Variants in ZIC3 observed in about 807,000 individuals in gnomAD.
The protein encoded by ZIC3 is zinc finger protein ZIC 3.
In ZIC3, 6 loss-of-function variants were observed where a neutral mutation model predicts 18.3. That is an observed-to-expected ratio of 0.33 (90% confidence interval 0.18 to 0.65). The LOEUF (loss-of-function observed/expected upper bound fraction) is 0.65. Ranked by LOEUF, ZIC3 falls within the 30% of genes least tolerant of loss-of-function variation. The probability of loss-of-function intolerance (pLI) is 0.75; values close to 1 mark genes in which losing one functional copy is unlikely to be tolerated. For synonymous variants in ZIC3, 175 were observed against 177.0 expected (o/e 0.99, Z 0.09); for missense variants, 260 against 410.0 (o/e 0.63, Z 3.16).
At chrX:137,569,236 G>T (rs1211132506) in intron 2 of ZIC3, among the ~76,000 whole-genome samples, 171 bp downstream of exon 2, 1 of 106,619 alleles carries the variant, frequency 9.4e-6, no homozygotes, top group East Asian at 3.0e-4. Flanking sequence ...TGGGGGTGAG[G>T]GGGTGGGCGG....
chrX:137,568,509 G>C (rs1931389450), intron 1 of ZIC3, among the ~76,000 whole-genome samples: 1 of 112,075 alleles, frequency 8.9e-6, no homozygotes, highest in Admixed American at 9.4e-5. Flanking sequence ...TGTCCTGTCC[G>C]GGGCCCATTG....
In ZIC3 at chrX:137,566,613, C is replaced by A; in HGVS notation, c.-79C>A. On this transcript the variant is annotated 5_prime_UTR_variant, in exon 1 of 3. Coordinates refer to ENST00000287538, the MANE Select transcript of ZIC3 (RefSeq NM_003413.4). ...AACCGCCGCCACCCCTTTCCGACTA[C>A]GGCACTTCGGAGATCTCCTCCTTCG... 1 of 1,161,628 alleles carries A rather than the reference C, an allele frequency of 8.6e-7. No individual in the cohort carries two copies. Among genetic ancestry groups the A allele is most frequent in the Non-Finnish European group, 1.1e-6 (1 of 875,270 alleles).
At position 137,567,462 on chromosome X, in the gene ZIC3, C is replaced by A; in HGVS notation, c.771C>A (p.Asp257Glu). Residue 257 changes from aspartate (D) to glutamate (E), a missense_variant, in exon 1 of 3, where the codon GAC (aspartate) becomes GAA (glutamate). Asp to Glu is a conservative substitution (Grantham distance 45). Coordinates refer to ENST00000287538, the MANE Select transcript of ZIC3 (RefSeq NM_003413.4). Reference protein sequence around the residue: ...IKQELSCKWIDEAQLSRPKKS... With the variant: ...IKQELSCKWIEEAQLSRPKKS... Reference sequence around the variant, plus strand: ...AGGAGCTGTCGTGCAAGTGGATCGACGAGGCTCAGCTGAGCCGGCCCAAGA... The same window carrying A: ...AGGAGCTGTCGTGCAAGTGGATCGAAGAGGCTCAGCTGAGCCGGCCCAAGA... The A allele has an allele frequency of 2.5e-6, 3 of 1,211,763 alleles. No homozygotes were observed. Among genetic ancestry groups the A allele is most frequent in the Non-Finnish European group, 3.3e-6 (3 of 895,589 alleles).
Position 137,570,234 on chromosome X carries a change from T to C in ZIC3, c.*164T>C. ...GAAGGTTTTGGGCAAGATCCAAAAG[T>C]AGCCATGCCCTTTTCTCAGGATAGA... On this transcript the variant is annotated 3_prime_UTR_variant, in exon 3 of 3. Transcript: ENST00000287538. The C allele has an allele frequency of 1.7e-6, 1 of 593,315 alleles. No individual in the cohort carries two copies. Among genetic ancestry groups the C allele is most frequent in the Non-Finnish European group, 2.7e-6 (1 of 368,118 alleles). The allele number at this position is 593,315 out of a possible 1,213,427, so 48.9% of individuals were successfully genotyped here.
In ZIC3 at chrX:137,569,963, A is replaced by G. The variant is rs1371648380; in HGVS notation, c.1297A>G (p.Ile433Val). The G allele has an allele frequency of 8.3e-7, 1 of 1,211,754 alleles. No individual in the cohort carries two copies. Among genetic ancestry groups the G allele is most frequent in the Admixed American group, 2.2e-5 (1 of 46,039 alleles). ...CTATGAATCTTCCACTCCACCCGCT[A>G]TAGCTTCTGCAAACAGTAAAGATAC... Reference protein sequence around the residue: ...SGYESSTPPAIASANSKDTTK... With the variant: ...SGYESSTPPAVASANSKDTTK... Residue 433 changes from isoleucine (I) to valine (V), a missense_variant, in exon 3 of 3, where the codon ATA becomes GTA. Coordinates refer to ENST00000287538, the MANE Select transcript of ZIC3 (RefSeq NM_003413.4).
chrX:137,572,939 T>C (rs771227578), downstream of ZIC3, among the ~76,000 whole-genome samples: 1 of 110,767 alleles, frequency 9.0e-6, no homozygotes, highest in Admixed American at 9.6e-5. Flanking sequence ...TTTGCCCCTG[T>C]ACATGATTAC....
chrX:137,577,264 T>A lies in ZIC3; in HGVS notation c.1367T>A (p.Ile456Asn). 1 of 518,077 alleles carries A rather than the reference T, an allele frequency of 1.9e-6. No individual in the cohort carries two copies. The highest frequency in any genetic ancestry group is 3.5e-6 in the Non-Finnish European group (1 of 283,499). 42.7% of individuals were successfully genotyped at this position (518,077 alleles called of 1,213,427 possible). ...GCCGAACCTACTGTGCAAGAAATGATTTACTGATGAGGTTTCAAAGAAAAC... is the reference window on the plus strand; with the variant it reads ...GCCGAACCTACTGTGCAAGAAATGAATTACTGATGAGGTTTCAAAGAAAAC... Residue 456 changes from isoleucine to asparagine, a missense_variant, in exon 3 of 3, where the codon ATT becomes AAT. Physicochemically the swap from Ile to Asn is moderately radical, Grantham distance 149. Coordinates refer to the ZIC3 transcript ENST00000370606.
At chrX:137,576,352 C>G (rs2124191075), downstream of ZIC3, among the ~76,000 whole-genome samples, 1 of 112,223 alleles carries the variant, frequency 8.9e-6, no homozygotes, top group African/African-American at 3.2e-5. Flanking sequence ...CAGATCGTCT[C>G]TTAAATTGAC....
At chrX:137,568,115 G>T (rs1931378529) in intron 1 of ZIC3, among the ~76,000 whole-genome samples, 1 of 113,165 alleles carries the variant, frequency 8.8e-6, no homozygotes, top group Non-Finnish European at 1.9e-5. Context: ...GCACACATTC[G>T]TGGAAGGCAA....
downstream of ZIC3, among the ~76,000 whole-genome samples, chrX:137,574,931 A>T (rs889578298): frequency 3.6e-4 from 40 of 112,237 alleles, 1 homozygote; most frequent in Admixed American, 3.6e-3. Flanking sequence ...GAAGCGAAGA[A>T]GTTCTTCCTG....
intron 2 of ZIC3, among the ~76,000 whole-genome samples, chrX:137,569,363 A>G (rs1438788500): frequency 1.8e-5 from 2 of 112,101 alleles, no homozygotes; most frequent in African/African-American, 6.5e-5. Flanking sequence ...TTCCCGACTC[A>G]GCCCGCGGTG....
Position 137,570,331 on chromosome X carries a change from C to CCTG in ZIC3, c.*261_*262insCTG. 1 of 373,360 alleles carries CCTG rather than the reference C, an allele frequency of 2.7e-6. No individual in the cohort carries two copies. The highest frequency in any genetic ancestry group is 3.9e-5 in the South Asian group (1 of 25,662). 30.8% of individuals were successfully genotyped at this position (373,360 alleles called of 1,213,427 possible). On this transcript the variant is annotated 3_prime_UTR_variant, in exon 3 of 3. Transcript: ENST00000287538. ...ACTTTTTCTTCCCCTTCCTCTTGCT[C>CCTG]TCTGCACACCCCATTCTTAAACTCC...
At chrX:137,577,016 A>G (rs1240775821), downstream of ZIC3, 4 of 424,580 alleles carry the variant, frequency 9.4e-6, no homozygotes, top group African/African-American at 9.9e-5. Context: ...ATTATAAACC[A>G]GAGTTTAAAA....
rs1243589223 is a variant in ZIC3 at position 137,566,779 on chromosome X, C to G, written c.88C>G (p.Arg30Gly). Residue 30 changes from arginine to glycine, a missense_variant, in exon 1 of 3, where the codon CGT becomes GGT. Physicochemically the swap from Arg to Gly is moderately radical, Grantham distance 125. Transcript: ENST00000287538. ...GAPRHHEMPN[R>G]EPAGMGLNPF... ...GCCGCGCCACCACGAGATGCCCAAC[C>G]GTGAGCCGGCAGGCATGGGGCTGAA... 5.1e-6 allele frequency: 6 copies of G among 1,183,543 alleles called. No individual in the cohort carries two copies. Among genetic ancestry groups the G allele is most frequent in the Non-Finnish European group, 2.3e-6 (2 of 883,351 alleles).
downstream of ZIC3, among the ~76,000 whole-genome samples, chrX:137,575,659 T>A (rs1392880279): frequency 1.8e-5 from 2 of 111,851 alleles, no homozygotes; most frequent in African/African-American, 6.5e-5. Context: ...AAGTCAGCCC[T>A]CTTGGGGTTG....
At chrX:137,573,005 T>C (rs1299901211), downstream of ZIC3, among the ~76,000 whole-genome samples, 1 of 109,884 alleles carries the variant, frequency 9.1e-6, no homozygotes, top group Non-Finnish European at 1.9e-5. Context: ...ACCCTTGTCA[T>C]CTGTGGTAAA....
rs1224538076 is a variant in ZIC3 at position 137,567,409 on chromosome X, T to C, written c.718T>C (p.Phe240Leu). Reference sequence around the variant, plus strand: ...GGCCCACCACGGGCCCGGCGCCTTCTTCCGTTATATGCGGCAGCCTATCAA... The same window carrying C: ...GGCCCACCACGGGCCCGGCGCCTTCCTCCGTTATATGCGGCAGCCTATCAA... ...VAAHHGPGAFFRYMRQPIKQE... is the reference protein window; with the variant it reads ...VAAHHGPGAFLRYMRQPIKQE... Residue 240 changes from phenylalanine (F) to leucine (L), a missense_variant, in exon 1 of 3, where the codon TTC becomes CTC. Coordinates refer to ENST00000287538, the MANE Select transcript of ZIC3 (RefSeq NM_003413.4). 1.7e-6 allele frequency: 2 copies of C among 1,211,623 alleles called. No homozygotes were observed. The highest frequency in any genetic ancestry group is 1.1e-6 in the Non-Finnish European group (1 of 895,554).
At position 137,566,685 on chromosome X, in the gene ZIC3, C is replaced by A. The variant is rs1255500501; in HGVS notation, c.-7C>A. 2.5e-6 allele frequency: 3 copies of A among 1,199,766 alleles called. No individual in the cohort carries two copies. Among genetic ancestry groups the A allele is most frequent in the African/African-American group, 1.7e-5 (1 of 57,375 alleles). ...GCCGGATCGCCTGTGCCCAGAACGT[C>A]CCACCCATGACGATGCTCCTGGACG... On this transcript the variant is annotated 5_prime_UTR_variant, in exon 1 of 3. Transcript: ENST00000287538.
At chrX:137,572,632 G>T (rs903469562), downstream of ZIC3, among the ~76,000 whole-genome samples, 1 of 111,727 alleles carries the variant, frequency 9.0e-6, no homozygotes, top group Non-Finnish European at 1.9e-5. Flanking sequence ...ACTGTACAAT[G>T]AACTTCCATA....
Sources: gnomAD v4.1 joint callset for allele counts (sites outside exome capture counted in the v4.1 genomes callset) on GRCh38, gnomAD v4.1.1 for gene constraint, MANE v1.5 for transcripts, NCBI Gene and HGNC (gene_info 2026-07-23, HGNC 2026-07-21) for gene names.